Variants in NTM observed in about 807,000 individuals in gnomAD.
The protein encoded by NTM is neurotrimin.
A neutral mutation model predicts 42.1 loss-of-function variants in NTM; 13 were observed. The observed-to-expected ratio is 0.31, with a 90% confidence interval of 0.20 to 0.49. The LOEUF is 0.49. NTM is among the 20% of genes least tolerant of loss of function. NTM has a pLI of 0.99. For missense variants in NTM, 373 were observed against 452.8 expected (o/e 0.82, Z 1.60); for synonymous variants, 187 against 179.2 (o/e 1.04, Z -0.35).
intron 1 of NTM, among the ~76,000 whole-genome samples, chr11:131,563,602 T>TTTG (rs869195031): frequency 6.7e-6 from 1 of 149,966 alleles, no homozygotes; most frequent in Non-Finnish European, 1.5e-5. Context: ...TTTTTTTTTT[T>TTTG]GGCTCAGCAC....
intron 1 of NTM, among the ~76,000 whole-genome samples, chr11:131,875,549 TAAAA>T (rs1174148050): frequency 5.3e-5 from 8 of 152,070 alleles, no homozygotes; most frequent in African/African-American, 1.9e-4. Flanking sequence ...AATAGAAAGT[TAAAA>T]AGAAAAAAGA....
intron 4 of NTM, among the ~76,000 whole-genome samples, chr11:132,222,576 C>A (rs1003023364): frequency 2.0e-5 from 3 of 152,116 alleles, no homozygotes; most frequent in African/African-American, 7.2e-5. Flanking sequence ...TTGAGCAGAG[C>A]ATCATTTCAG....
At chr11:132,125,667 CAT>C (rs1423901845) in intron 2 of NTM, among the ~76,000 whole-genome samples, 39 of 562 alleles carry the variant, frequency 0.069, 1 homozygote, top group African/African-American at 0.18. Context: ...GTGTGTGTGT[CAT>C]GTGTAGTGCG....
At chr11:131,879,552 AG>A (rs1400198003) in intron 1 of NTM, among the ~76,000 whole-genome samples, 1 of 152,236 alleles carries the variant, frequency 6.6e-6, no homozygotes, top group African/African-American at 2.4e-5. Context: ...GGTTTCAGAA[AG>A]GTGGAATGGA....
At chr11:131,590,846 G>T (rs965942569) in intron 1 of NTM, among the ~76,000 whole-genome samples, 11 of 152,140 alleles carry the variant, frequency 7.2e-5, no homozygotes, top group Admixed American at 6.5e-4. Context: ...CAAATCCAAT[G>T]CTCTTAATTA....
At chr11:132,001,880 A>C (rs1487579228) in intron 2 of NTM, among the ~76,000 whole-genome samples, 1 of 152,136 alleles carries the variant, frequency 6.6e-6, no homozygotes, top group Non-Finnish European at 1.5e-5. Flanking sequence ...AAGGACAAAC[A>C]ATGATGGATG....
intron 2 of NTM, among the ~76,000 whole-genome samples, chr11:131,948,970 G>T (rs1366132804): frequency 6.6e-6 from 1 of 152,080 alleles, no homozygotes; most frequent in Admixed American, 6.5e-5. Flanking sequence ...ATGCCCATTT[G>T]ACAGCAACTC....
intron 1 of NTM, among the ~76,000 whole-genome samples, chr11:131,496,735 C>T (rs1224009031): frequency 6.6e-6 from 1 of 152,220 alleles, no homozygotes. Context: ...ACATGAATCC[C>T]AAATGGGTGT....
intron 4 of NTM, among the ~76,000 whole-genome samples, chr11:132,215,873 C>T (rs144048747): frequency 9.5e-4 from 144 of 152,310 alleles, no homozygotes; most frequent in African/African-American, 3.3e-3. Context: ...TCACTCCTCT[C>T]ACTAGCAGGA....
chr11:132,066,848 A>C (rs1339170763), intron 2 of NTM, among the ~76,000 whole-genome samples: 1 of 152,096 alleles, frequency 6.6e-6, no homozygotes. Flanking sequence ...TCCTTAACTT[A>C]ATTGCATCTG....
chr11:131,564,269 CTTAT>C (rs1371975717), intron 1 of NTM, among the ~76,000 whole-genome samples: 3 of 95,530 alleles, frequency 3.1e-5, no homozygotes, highest in East Asian at 5.7e-4. Context: ...TTTATGCCAC[CTTAT>C]TTATTTGTTT....
chr11:131,589,273 A>G (rs1010705423), intron 1 of NTM, among the ~76,000 whole-genome samples: 5 of 151,822 alleles, frequency 3.3e-5, no homozygotes, highest in Non-Finnish European at 5.9e-5. Flanking sequence ...ATATCTTACC[A>G]TTAATAATAC....
At chr11:131,537,231 GA>G (rs2052402199) in intron 1 of NTM, 1 of 151,740 alleles carries the variant, frequency 6.6e-6, no homozygotes. Flanking sequence ...TGAAACATGG[GA>G]AATTGAAAAA....
At position 132,213,796 on chromosome 11, in the gene NTM, G is replaced by A. The variant is rs1010224879; in HGVS notation, c.526+1649G>A. ...GTCGCCCAGGCTGGAGTGCAGTGGC[G>A]GGATCTCGGCTCACTGCAAGCTCCG... On this transcript the variant is annotated intron_variant, in intron 4 of 8. Coordinates refer to ENST00000683400, the MANE Select transcript of NTM (RefSeq NM_001352005.2). 5.1e-5 allele frequency among the ~76,000 whole-genome samples: 3 copies of A among 58,798 alleles called. 1 individual carries two copies. Among genetic ancestry groups the A allele is most frequent in the Non-Finnish European group, 9.0e-5 (2 of 22,150 alleles). The allele number at this position is 58,798 out of a possible 152,430, so 38.6% of individuals were successfully genotyped here.
At chr11:131,859,735 A>G (rs1461088466) in intron 1 of NTM, among the ~76,000 whole-genome samples, 1 of 152,218 alleles carries the variant, frequency 6.6e-6, no homozygotes, top group Non-Finnish European at 1.5e-5. Flanking sequence ...CATATGTAAA[A>G]GGCTTTGCAA....
chr11:131,399,866 T>G (rs1285517878), intron 1 of NTM, among the ~76,000 whole-genome samples: 1 of 152,162 alleles, frequency 6.6e-6, no homozygotes, highest in Non-Finnish European at 1.5e-5. Context: ...CAGCAACCTC[T>G]TTTGCCCATG....
chr11:131,937,859 G>C (rs2059389041), intron 2 of NTM, among the ~76,000 whole-genome samples: 1 of 152,170 alleles, frequency 6.6e-6, no homozygotes, highest in Admixed American at 6.6e-5. Flanking sequence ...TGTCTCAAAG[G>C]GCGGGTAAAA....
At chr11:131,405,624 T>C (rs1945727308) in intron 1 of NTM, among the ~76,000 whole-genome samples, 1 of 152,212 alleles carries the variant, frequency 6.6e-6, no homozygotes, top group African/African-American at 2.4e-5. Flanking sequence ...TGCTGCCTGC[T>C]CATTTTCAAC....
At chr11:131,998,410 C>T (rs966247144) in intron 2 of NTM, among the ~76,000 whole-genome samples, 1 of 152,164 alleles carries the variant, frequency 6.6e-6, no homozygotes, top group African/African-American at 2.4e-5. Context: ...CCTGGGCCCC[C>T]CTTGTCCTAC....
Sources: gnomAD v4.1 joint callset for allele counts (sites outside exome capture counted in the v4.1 genomes callset) on GRCh38, gnomAD v4.1.1 for gene constraint, MANE v1.5 for transcripts, NCBI Gene and HGNC (gene_info 2026-07-23, HGNC 2026-07-21) for gene names.